The following MYOM2 variants were observed in gnomAD, a reference collection of about 807,000 sequenced individuals.
MYOM2 encodes the protein myomesin-2.
In MYOM2, 254 loss-of-function variants were observed where a neutral mutation model predicts 187.6. The ratio of observed to expected loss-of-function variants is 1.35; its 90% CI spans 1.22 to 1.50. The LOEUF (loss-of-function observed/expected upper bound fraction) is 1.50. MYOM2 is among the 40% of genes most tolerant of loss of function. The pLI, the probability that MYOM2 is intolerant of heterozygous loss-of-function variation, is 0.00. For missense variants in MYOM2, 2,796 were observed against 1,924.0 expected, an observed-to-expected ratio of 1.45 and a Z score of -8.48; for synonymous variants, 981 against 753.8, an observed-to-expected ratio of 1.30 and a Z score of -4.94.
At chr8:2,076,343 A>G (rs996523597) in intron 11 of MYOM2, 61 bp downstream of exon 11, 5 of 1,569,636 alleles carry the variant, frequency 3.2e-6, no homozygotes, top group African/African-American at 1.4e-5. Context: ...ACCATGGACA[A>G]TATATTGAGA....
At chr8:2,058,860 G>A (rs1218703841) in intron 5 of MYOM2, among the ~76,000 whole-genome samples, 1 of 152,258 alleles carries the variant, frequency 6.6e-6, no homozygotes, top group Non-Finnish European at 1.5e-5. Flanking sequence ...CCAGCACCCA[G>A]TGTTTCTTAT....
At chr8:2,091,966 T>C (rs530611095) in intron 15 of MYOM2, among the ~76,000 whole-genome samples, 1 of 152,324 alleles carries the variant, frequency 6.6e-6, no homozygotes, top group South Asian at 2.1e-4. Flanking sequence ...ACAGATCTGA[T>C]AAAATTGAGT....
At chr8:2,049,797 G>T (rs572725716) in intron 1 of MYOM2, among the ~76,000 whole-genome samples, 3 of 152,178 alleles carry the variant, frequency 2.0e-5, no homozygotes, top group Admixed American at 6.5e-5. Flanking sequence ...GGCATTTTAC[G>T]TGTTTTGGGT....
At chr8:2,065,373 A>G (rs1818983525) in intron 6 of MYOM2, among the ~76,000 whole-genome samples, 1 of 152,184 alleles carries the variant, frequency 6.6e-6, no homozygotes, top group Admixed American at 6.5e-5. Flanking sequence ...GTTTGAGACC[A>G]GCCTGAGCAA....
intron 32 of MYOM2, among the ~76,000 whole-genome samples, chr8:2,139,478 T>C (rs774781064): frequency 6.6e-6 from 1 of 152,126 alleles, no homozygotes; most frequent in South Asian, 2.1e-4. Context: ...CATATATTTG[T>C]TGAAGGAAAG....
rs748929955 is a variant in MYOM2, at chr8:2,144,839, ACAT to A, written c.4259_4261del (p.Ile1420del). On this transcript the variant is annotated inframe_deletion, in exon 37 of 37. Transcript: ENST00000262113. The stretch of plus-strand genomic sequence containing the variant: ...GAGGACTCGGGCAAGTACAGCATCA[ACAT>A]CAAGAATAAGTATGGCGGGGAGAAG... 6.8e-6 allele frequency: 11 copies of A among 1,614,166 alleles called. No individual in the cohort carries two copies. In the East Asian group the frequency reaches 2.5e-4, roughly 36 times the overall value.
chr8:2,113,810 C>G (rs1001968599), intron 25 of MYOM2, among the ~76,000 whole-genome samples: 3 of 152,324 alleles, frequency 2.0e-5, no homozygotes, highest in Admixed American at 6.5e-5. Context: ...GCAGGGTGAG[C>G]TAAGCCCCCT....
chr8:2,087,599 G>C (rs1796138197), intron 14 of MYOM2, among the ~76,000 whole-genome samples: 1 of 152,114 alleles, frequency 6.6e-6, no homozygotes. Context: ...GAAACACCAA[G>C]TTTGCAAACA....
At chr8:2,127,556 G>A (rs1276121213) in intron 31 of MYOM2, among the ~76,000 whole-genome samples, 3 of 152,254 alleles carry the variant, frequency 2.0e-5, no homozygotes, top group African/African-American at 7.2e-5. Context: ...TTAGGGAGGT[G>A]TGGAAGTCCA....
At position 2,108,921 on chromosome 8, in the gene MYOM2, T is replaced by G. The variant is rs78071377; in HGVS notation, c.3043+91T>G. 8,100 of 1,299,950 alleles carry G rather than the reference T, an allele frequency of 6.2e-3. 216 individuals are homozygous for G. In the East Asian group the frequency reaches 0.073, roughly 12 times the overall value. The allele number at this position is 1,299,950 out of a possible 1,614,324, so 80.5% of individuals were successfully genotyped here. ...GCATGAGCTCTTGGAAGAACAGCTT[T>G]GGGGAAAGGATGGCCTGATTTCCTG... On this transcript the variant is annotated intron_variant, in intron 24 of 36. Coordinates refer to ENST00000262113, the MANE Select transcript of MYOM2 (RefSeq NM_003970.4).
chr8:2,118,001 C>G lies in MYOM2; in HGVS notation c.3453+49C>G, dbSNP rs371972099. ...AAAACAATAAATCTCATTCTGGTTC[C>G]TATCAGAGAGGCCTTTCAGGGAGTA... is the stretch of plus-strand genomic sequence containing the variant. On this transcript the variant is annotated intron_variant, in intron 28 of 36. Transcript: ENST00000262113. The G allele has an allele frequency of 1.0e-5, 16 of 1,548,028 alleles. No homozygotes were observed. In the African/African-American group the frequency reaches 1.8e-4, roughly 17 times the overall value.
intron 28 of MYOM2, 78 bp from the exon 29 acceptor site, chr8:2,123,174 T>C: frequency 1.0e-6 from 1 of 964,308 alleles, no homozygotes; most frequent in Non-Finnish European, 1.6e-6. Flanking sequence ...GGCTCTGTGA[T>C]TTAAGATTCT....
intron 15 of MYOM2, 29 bp downstream of exon 15, chr8:2,090,220 T>A: frequency 6.2e-7 from 1 of 1,602,386 alleles, no homozygotes; most frequent in Non-Finnish European, 8.5e-7. Flanking sequence ...TGGCCCCAAG[T>A]CAGGATGGAC....
chr8:2,140,691 A>C (rs1291259837), intron 32 of MYOM2, 32 bp from the exon 33 acceptor site: 2 of 1,610,310 alleles, frequency 1.2e-6, no homozygotes, highest in Middle Eastern at 1.7e-4. Flanking sequence ...TGGAGACCCT[A>C]ACTCAGATAC....
chr8:2,064,630 A>G (rs1187487542), intron 6 of MYOM2, among the ~76,000 whole-genome samples: 1 of 152,186 alleles, frequency 6.6e-6, no homozygotes, highest in East Asian at 1.9e-4. Context: ...TTGATGAGCT[A>G]ATCAGTGCTA....
At chr8:2,131,039 C>A (rs555711436) in intron 32 of MYOM2, among the ~76,000 whole-genome samples, 23 of 152,278 alleles carry the variant, frequency 1.5e-4, no homozygotes, top group Admixed American at 1.4e-3. Flanking sequence ...AAAGGCCACC[C>A]CCCTCTTCAG....
intron 6 of MYOM2, among the ~76,000 whole-genome samples, chr8:2,062,920 G>A (rs1489912964): frequency 6.6e-6 from 1 of 152,118 alleles, no homozygotes; most frequent in Non-Finnish European, 1.5e-5. Flanking sequence ...CTTTACATTG[G>A]GCACCACATG....
intron 13 of MYOM2, among the ~76,000 whole-genome samples, chr8:2,083,096 T>C (rs974096597): frequency 2.6e-5 from 4 of 152,202 alleles, no homozygotes; most frequent in Non-Finnish European, 1.5e-5. Context: ...CAAAATAAGA[T>C]ATTGAATGTG....
intron 35 of MYOM2, 88 bp from the exon 36 acceptor site, chr8:2,143,313 C>T (rs1798343251): frequency 6.9e-7 from 1 of 1,451,698 alleles, no homozygotes. Flanking sequence ...ACCACATTCA[C>T]CTTGGTACCC....
Sources: allele counts gnomAD v4.1 joint callset (sites outside exome capture counted in the v4.1 genomes callset), GRCh38; gene constraint gnomAD v4.1.1; transcripts MANE v1.5; gene names NCBI Gene and HGNC (gene_info 2026-07-23, HGNC 2026-07-21).